The following RNF19A variants were observed in gnomAD, a reference collection of about 807,000 sequenced individuals.
RNF19A encodes the protein ring finger protein 19A, RBR E3 ubiquitin protein ligase.
In RNF19A, 32 loss-of-function variants were observed where a neutral mutation model predicts 75.7. That is an observed-to-expected ratio of 0.42 (90% CI 0.32 to 0.57). RNF19A has a LOEUF of 0.57. Among genes scored for constraint, RNF19A ranks in the 20% least tolerant of loss-of-function variants. RNF19A has a pLI of 0.10. For missense variants in RNF19A, 782 were observed against 1,036.3 expected, an observed-to-expected ratio of 0.75 and a Z score of 3.37; for synonymous variants, 335 against 345.2, an observed-to-expected ratio of 0.97 and a Z score of 0.33.
chr8:100,292,438 GT>G (rs1563856909), intron 1 of RNF19A, among the ~76,000 whole-genome samples: 108 of 143,204 alleles, frequency 7.5e-4, no homozygotes, highest in Middle Eastern at 4.1e-3. Flanking sequence ...TCATATGGGT[GT>G]GTGTGTGTGT....
chr8:100,295,869 G>A (rs562198498), intron 1 of RNF19A, among the ~76,000 whole-genome samples: 1 of 152,206 alleles, frequency 6.6e-6, no homozygotes, highest in African/African-American at 2.4e-5. Flanking sequence ...TCTCTTAACA[G>A]AGAGAAATCA....
chr8:100,270,791 A>G (rs931970103), intron 3 of RNF19A, among the ~76,000 whole-genome samples: 8 of 152,122 alleles, frequency 5.3e-5, no homozygotes, highest in African/African-American at 1.9e-4. Flanking sequence ...TCATTTATTC[A>G]CCCATTTACT....
chr8:100,276,644 A>C (rs1820528101), intron 2 of RNF19A, among the ~76,000 whole-genome samples: 1 of 151,116 alleles, frequency 6.6e-6, no homozygotes, highest in Admixed American at 6.6e-5. Context: ...AATCCCAGCT[A>C]CTTGGGTGGC....
chr8:100,282,774 T>TGA (rs1174704420), intron 2 of RNF19A, among the ~76,000 whole-genome samples: 1 of 152,228 alleles, frequency 6.6e-6, no homozygotes, highest in Admixed American at 6.5e-5. Context: ...AGGATGAGAA[T>TGA]GAGTTACACA....
At chr8:100,292,521 A>G (rs547588311) in intron 1 of RNF19A, among the ~76,000 whole-genome samples, 8 of 152,116 alleles carry the variant, frequency 5.3e-5, no homozygotes, top group Non-Finnish European at 7.4e-5. Context: ...AGAAATTTCA[A>G]AAGTTTTTAA....
chr8:100,274,851 T>A, intron 3 of RNF19A, 102 bp downstream of exon 3: 1 of 892,336 alleles, frequency 1.1e-6, no homozygotes, highest in Non-Finnish European at 1.7e-6. Flanking sequence ...TTAAAAACAC[T>A]TTCGGCAAGT....
At chr8:100,272,859 T>A (rs961117689) in intron 3 of RNF19A, among the ~76,000 whole-genome samples, 3 of 148,074 alleles carry the variant, frequency 2.0e-5, no homozygotes, top group African/African-American at 7.4e-5. Context: ...CCTCACTGCA[T>A]TTCTAATTCT....
At chr8:100,283,012 T>G (rs1820852746) in intron 2 of RNF19A, among the ~76,000 whole-genome samples, 1 of 152,250 alleles carries the variant, frequency 6.6e-6, no homozygotes, top group East Asian at 1.9e-4. Context: ...GCTGGTTCAT[T>G]GAACAATTTT....
chr8:100,327,269 T>TTTTTTTTA (rs1822547434), intron 1 of RNF19A, among the ~76,000 whole-genome samples: 1 of 146,404 alleles, frequency 6.8e-6, no homozygotes, highest in Non-Finnish European at 1.5e-5. Flanking sequence ...TTTTTTTTTT[T>TTTTTTTTA]GAGACAGAGT....
In RNF19A at chr8:100,287,995, G is replaced by A; in HGVS notation, c.180C>T (p.Pro60=). ...AGCCTATTGAAATTCTTCTTTTTTTGGGTGCCTTTTTGACTGAAGGCAAGC... is the reference window on the plus strand; with the variant it reads ...AGCCTATTGAAATTCTTCTTTTTTTAGGTGCCTTTTTGACTGAAGGCAAGC... The part of the protein sequence containing the change: ...SVSLPSVKKA[P]KKRRISIGSL... Residue 60 remains proline (P), a synonymous_variant, in exon 2 of 10, where the codon CCC becomes CCT. Transcript: ENST00000341084. This position sits in a 1 kb window ranked among gnomAD's most constrained non-coding sequence, Gnocchi z 4.1. 6.2e-7 allele frequency: 1 copy of A among 1,613,822 alleles called. No individual in the cohort carries two copies. The highest frequency in any genetic ancestry group is 8.5e-7 in the Non-Finnish European group (1 of 1,179,946).
In RNF19A at chr8:100,299,310, T is replaced by C. The variant is rs569464506; in HGVS notation, c.-94+10557A>G. Among the ~76,000 whole-genome samples, 7 of 152,320 alleles carry C rather than the reference T, an allele frequency of 4.6e-5. No individual in the cohort carries two copies. The South Asian group carries it at 1.2e-3, about 27-fold the overall frequency. Reference sequence around the variant, plus strand: ...CTAGGTTAAGTAGATGATTACAATTTTCTAGGATAAACAAATAATTGTTGT... The same window carrying C: ...CTAGGTTAAGTAGATGATTACAATTCTCTAGGATAAACAAATAATTGTTGT... On this transcript the variant is annotated intron_variant, in intron 1 of 9. Coordinates refer to ENST00000341084, the MANE Select transcript of RNF19A (RefSeq NM_183419.4).
intron 3 of RNF19A, among the ~76,000 whole-genome samples, chr8:100,272,103 G>A (rs769773748): frequency 6.6e-6 from 1 of 152,120 alleles, no homozygotes; most frequent in Non-Finnish European, 1.5e-5. Context: ...AGGGGACAGA[G>A]GCAGGAGTGG....
chr8:100,268,964 T>C lies in RNF19A; in HGVS notation c.1029-17A>G. 6.4e-7 allele frequency: 1 copy of C among 1,563,010 alleles called. No homozygotes were observed. The highest frequency in any genetic ancestry group is 8.7e-7 in the Non-Finnish European group (1 of 1,151,526). On this transcript the variant is annotated splice_polypyrimidine_tract_variant and intron_variant, in intron 4 of 9. Transcript: ENST00000341084. Reference sequence around the variant, plus strand: ...CCTGATGGACTAACGGAAAAAATTATAATGTAAATAACTGCTGCAAAACAC... The same window carrying C: ...CCTGATGGACTAACGGAAAAAATTACAATGTAAATAACTGCTGCAAAACAC...
At chr8:100,262,807 G>T (rs115321018) in intron 7 of RNF19A, among the ~76,000 whole-genome samples, 1 of 152,140 alleles carries the variant, frequency 6.6e-6, no homozygotes, top group African/African-American at 2.4e-5. Context: ...GAAGGACAAC[G>T]AAGAGAGTAA....
intron 1 of RNF19A, among the ~76,000 whole-genome samples, chr8:100,301,960 C>G (rs868350351): frequency 1.3e-5 from 2 of 152,114 alleles, no homozygotes; most frequent in Non-Finnish European, 1.5e-5. Flanking sequence ...AGGCACAGAA[C>G]AGCCACTGCA....
At position 100,308,497 on chromosome 8, in the gene RNF19A, A is replaced by C. The variant is rs143013110; in HGVS notation, c.-94+1370T>G. Among the ~76,000 whole-genome samples the C allele has an allele frequency of 4.6e-5, 7 of 152,312 alleles. 1 individual carries two copies. The highest frequency in any genetic ancestry group is 1.7e-4 in the African/African-American group (7 of 41,560). ...TCAGATAGTTCAGTCAGTGTTAAAG[A>C]AGCAAAAACAGGCAAACAGGGTAAT... On this transcript the variant is annotated intron_variant, in intron 1 of 9. Transcript: ENST00000341084.
chr8:100,269,784 T>A lies in RNF19A; in HGVS notation c.1028+85A>T, dbSNP rs1820165307. The A allele has an allele frequency of 9.0e-7, 1 of 1,110,054 alleles. No individual in the cohort carries two copies. The allele number at this position is 1,110,054 out of a possible 1,614,324, so 68.8% of individuals were successfully genotyped here. On this transcript the variant is annotated intron_variant, in intron 4 of 9. Coordinates refer to ENST00000341084, the MANE Select transcript of RNF19A (RefSeq NM_183419.4). The surrounding 1 kb of genome is among the most constrained non-coding windows in gnomAD (Gnocchi z 5.7). ...ATAAAACCAATCCCTTTAAGTATCTTATAAAACCCAAATTTAAGACAAGTT... is the reference window on the plus strand; with the variant it reads ...ATAAAACCAATCCCTTTAAGTATCTAATAAAACCCAAATTTAAGACAAGTT...
chr8:100,276,369 T>C (rs939834770), intron 2 of RNF19A, among the ~76,000 whole-genome samples: 1 of 152,176 alleles, frequency 6.6e-6, no homozygotes, highest in African/African-American at 2.4e-5. Context: ...TTATATATTT[T>C]TGAAATGTCA....
chr8:100,315,667 G>GTTGTTT (rs1045860559), intron 1 of RNF19A, among the ~76,000 whole-genome samples: 8 of 152,172 alleles, frequency 5.3e-5, no homozygotes, highest in African/African-American at 1.9e-4. Flanking sequence ...TGTTGTTGTT[G>GTTGTTT]TTGAGACAAG....
Sources: gnomAD v4.1 joint callset for allele counts (sites outside exome capture counted in the v4.1 genomes callset) on GRCh38, gnomAD v4.1.1 for gene constraint, Gnocchi (gnomAD v3.1) non-coding constraint, MANE v1.5 for transcripts, NCBI Gene and HGNC (gene_info 2026-07-23, HGNC 2026-07-21) for gene names.